LHFPL2: variants seen among roughly 807,000 people sequenced by gnomAD.
LHFPL2 encodes LHFPL tetraspan subfamily member 2.
LHFPL2 carries 7 observed loss-of-function variants against 17.5 expected under a neutral mutation model. The observed-to-expected ratio is 0.40, with a 90% confidence interval of 0.23 to 0.75. The LOEUF is 0.75. Among genes scored for constraint, LHFPL2 ranks in the 30% least tolerant of loss-of-function variants. LHFPL2 has a pLI of 0.37. For missense variants in LHFPL2, 241 were observed against 294.8 expected (o/e 0.82, Z 1.34); for synonymous variants, 134 against 116.2 (o/e 1.15, Z -0.99).
chr5:78,578,585 G>GCGCACA (rs772082107), intron 2 of LHFPL2, among the ~76,000 whole-genome samples: 10 of 146,892 alleles, frequency 6.8e-5, no homozygotes, highest in African/African-American at 2.0e-4. Flanking sequence ...TTGCATATGT[G>GCGCACA]CACACACACA....
chr5:78,644,240 A>C, intron 1 of LHFPL2: 1 of 696,326 alleles, frequency 1.4e-6, no homozygotes, highest in East Asian at 2.7e-5. Context: ...TTTATAGATA[A>C]GAAAAAAAAA....
rs574430742 is a variant in LHFPL2 at position 78,487,651 on chromosome 5, C to A, written c.*1246G>T. Reference sequence around the variant, plus strand: ...ATTTATGGAAAGTAGATTAAAAACCCCTGAATCCTTATTCATAGTGGTATT... The same window carrying A: ...ATTTATGGAAAGTAGATTAAAAACCACTGAATCCTTATTCATAGTGGTATT... On this transcript the variant is annotated 3_prime_UTR_variant, in exon 5 of 5. Coordinates refer to ENST00000380345, the MANE Select transcript of LHFPL2 (RefSeq NM_005779.3). 1.3e-5 allele frequency: 2 copies of A among 152,102 alleles called. No individual in the cohort carries two copies. Among genetic ancestry groups the A allele is most frequent in the Non-Finnish European group, 2.9e-5 (2 of 68,004 alleles). The allele number at this position is 152,102 out of a possible 1,614,324, so 9.4% of individuals were successfully genotyped here. A position where few individuals can be genotyped will look rare whatever the true frequency, so the allele number is the denominator to read the frequency against.
At chr5:78,587,550 T>G (rs1209554529) in intron 2 of LHFPL2, among the ~76,000 whole-genome samples, 1 of 152,254 alleles carries the variant, frequency 6.6e-6, no homozygotes, top group East Asian at 1.9e-4. Context: ...TAACTGTGCT[T>G]GAAACTTAAT....
chr5:78,492,616 A>G (rs573077165), intron 4 of LHFPL2, among the ~76,000 whole-genome samples: 1 of 152,338 alleles, frequency 6.6e-6, no homozygotes, highest in Non-Finnish European at 1.5e-5. Context: ...GAGGGGCTTC[A>G]GGCCATCTTC....
At chr5:78,532,342 G>A (rs914004597) in intron 3 of LHFPL2, among the ~76,000 whole-genome samples, 2 of 152,128 alleles carry the variant, frequency 1.3e-5, no homozygotes, top group African/African-American at 4.8e-5. Context: ...CTACAGACAT[G>A]AGCCATTGCA....
chr5:78,488,779 G>T lies in LHFPL2; in HGVS notation c.*118C>A, dbSNP rs544727759. Reference sequence around the variant, plus strand: ...CTCTCATTGGTCCTGTTTAAGCCTCGGGCCGTGGAACGTGGCTTTGGTAGG... The same window carrying T: ...CTCTCATTGGTCCTGTTTAAGCCTCTGGCCGTGGAACGTGGCTTTGGTAGG... On this transcript the variant is annotated 3_prime_UTR_variant, in exon 5 of 5. Coordinates refer to ENST00000380345, the MANE Select transcript of LHFPL2 (RefSeq NM_005779.3). 1.0e-5 allele frequency: 12 copies of T among 1,189,366 alleles called. 1 individual carries two copies. The highest frequency in any genetic ancestry group is 1.4e-5 in the Non-Finnish European group (12 of 832,336). The allele number at this position is 1,189,366 out of a possible 1,614,324, so 73.7% of individuals were successfully genotyped here. A position where few individuals can be genotyped will look rare whatever the true frequency, so the allele number is the denominator to read the frequency against.
At chr5:78,493,350 C>T (rs1029974355) in intron 4 of LHFPL2, among the ~76,000 whole-genome samples, 6 of 152,230 alleles carry the variant, frequency 3.9e-5, no homozygotes, top group African/African-American at 1.4e-4. Context: ...TGACAAGCAT[C>T]CCTCAGGCAC....
intron 3 of LHFPL2, among the ~76,000 whole-genome samples, chr5:78,512,948 G>T (rs1755182241): frequency 6.6e-6 from 1 of 151,954 alleles, no homozygotes; most frequent in Admixed American, 6.5e-5. Context: ...TAGAGATGGG[G>T]TTTCAGCATG....
At chr5:78,554,551 C>A (rs1005019871) in intron 3 of LHFPL2, among the ~76,000 whole-genome samples, 2 of 152,258 alleles carry the variant, frequency 1.3e-5, no homozygotes, top group African/African-American at 4.8e-5. Context: ...TGAATCCCTG[C>A]TGCAGAATCT....
At chr5:78,562,765 C>G (rs951069609) in intron 3 of LHFPL2, among the ~76,000 whole-genome samples, 1 of 127,658 alleles carries the variant, frequency 7.8e-6, no homozygotes, top group African/African-American at 2.7e-5. Flanking sequence ...GATGAATTCA[C>G]AACTTTAAAA....
intron 3 of LHFPL2, among the ~76,000 whole-genome samples, chr5:78,541,780 A>G (rs1756120942): frequency 6.6e-6 from 1 of 152,260 alleles, no homozygotes; most frequent in Non-Finnish European, 1.5e-5. Flanking sequence ...CTTTCAGTTC[A>G]GACTTGCATG....
chr5:78,526,909 C>A (rs998941968), intron 3 of LHFPL2, among the ~76,000 whole-genome samples: 2 of 152,144 alleles, frequency 1.3e-5, no homozygotes, highest in Non-Finnish European at 2.9e-5. Context: ...ATAAAAACAT[C>A]CATAGCCCAG....
At chr5:78,618,076 C>T (rs1026875630) in intron 2 of LHFPL2, among the ~76,000 whole-genome samples, 3 of 151,964 alleles carry the variant, frequency 2.0e-5, no homozygotes, top group South Asian at 2.1e-4. Context: ...TGGTGGCAGG[C>T]GCCTGTAATT....
At chr5:78,647,722 T>C (rs1263933613) in intron 1 of LHFPL2, among the ~76,000 whole-genome samples, 1 of 152,018 alleles carries the variant, frequency 6.6e-6, no homozygotes, top group African/African-American at 2.4e-5. Flanking sequence ...TGGACTTTCA[T>C]GGAACTCATG....
At chr5:78,613,827 T>C (rs968472893) in intron 2 of LHFPL2, among the ~76,000 whole-genome samples, 10 of 152,170 alleles carry the variant, frequency 6.6e-5, no homozygotes, top group Non-Finnish European at 1.2e-4. Context: ...AGTAAAGTTG[T>C]TGAACTTCTG....
intron 4 of LHFPL2, among the ~76,000 whole-genome samples, chr5:78,501,863 G>T (rs891754011): frequency 6.6e-6 from 1 of 152,190 alleles, no homozygotes; most frequent in African/African-American, 2.4e-5. Flanking sequence ...TTTTGTGAAT[G>T]ACTACAGCAT....
At chr5:78,641,105 G>A (rs1745646194) in intron 1 of LHFPL2, among the ~76,000 whole-genome samples, 1 of 152,242 alleles carries the variant, frequency 6.6e-6, no homozygotes, top group Non-Finnish European at 1.5e-5. Flanking sequence ...AAAGCAGTTG[G>A]AGATGAAGAC....
At chr5:78,581,167 A>C (rs1743119100) in intron 2 of LHFPL2, among the ~76,000 whole-genome samples, 1 of 152,252 alleles carries the variant, frequency 6.6e-6, no homozygotes, top group East Asian at 1.9e-4. Context: ...TTGGTGTATA[A>C]GAATGCTTGT....
intron 2 of LHFPL2, among the ~76,000 whole-genome samples, chr5:78,592,576 A>G (rs900426575): frequency 6.6e-6 from 1 of 152,020 alleles, no homozygotes; most frequent in African/African-American, 2.4e-5. Context: ...TTTCATCTAC[A>G]TTAAGTTCTG....
Sources: allele counts gnomAD v4.1 joint callset (sites outside exome capture counted in the v4.1 genomes callset), GRCh38; gene constraint gnomAD v4.1.1; transcripts MANE v1.5; gene names NCBI Gene and HGNC (gene_info 2026-07-23, HGNC 2026-07-21).